The following NEURL1B variants were observed in gnomAD, a reference collection of about 807,000 sequenced individuals.
The protein encoded by NEURL1B is E3 ubiquitin-protein ligase NEURL1B.
NEURL1B carries 13 observed loss-of-function variants against 37.4 expected under a neutral mutation model. That is an observed-to-expected ratio of 0.35 (90% confidence interval 0.23 to 0.55). NEURL1B has a LOEUF of 0.55. NEURL1B is among the 20% of genes least tolerant of loss of function. NEURL1B has a pLI of 0.89. For missense variants in NEURL1B, 790 were observed against 879.2 expected (o/e 0.90, Z 1.28); for synonymous variants, 432 against 426.6 (o/e 1.01, Z -0.16).
intron 1 of NEURL1B, among the ~76,000 whole-genome samples, chr5:172,655,613 T>C (rs917076887): frequency 3.9e-5 from 6 of 152,174 alleles, no homozygotes; most frequent in African/African-American, 1.4e-4. Context: ...CCTCCAGAAT[T>C]TGATCACCAA....
At chr5:172,674,325 A>T (rs886595645) in intron 2 of NEURL1B, among the ~76,000 whole-genome samples, 2 of 151,984 alleles carry the variant, frequency 1.3e-5, no homozygotes, top group Non-Finnish European at 2.9e-5. Flanking sequence ...GCCTGGTGGA[A>T]CTTTGAGCCC....
At chr5:172,658,074 C>T (rs552317478) in intron 1 of NEURL1B, among the ~76,000 whole-genome samples, 31 of 152,252 alleles carry the variant, frequency 2.0e-4, no homozygotes, top group African/African-American at 7.2e-4. Context: ...AGAAGATTCA[C>T]CCTCCTTACC....
rs1420002104 is a variant in NEURL1B at position 172,689,543 on chromosome 5, CTG to C, written c.*2621_*2622del. ...GAGATGTTCACGTGTGAAAAAAAAA[CTG>C]TGCTACTTACAATCTATGAAAGCTG... On this transcript the variant is annotated 3_prime_UTR_variant, in exon 5 of 5. Transcript: ENST00000369800. 2 of 150,532 alleles carry C rather than the reference CTG, an allele frequency of 1.3e-5. No individual in the cohort carries two copies. The highest frequency in any genetic ancestry group is 2.5e-5 in the African/African-American group (1 of 40,706). 9.3% of individuals were successfully genotyped at this position (150,532 alleles called of 1,614,324 possible). A position where few individuals can be genotyped will look rare whatever the true frequency, so the allele number is the denominator to read the frequency against.
chr5:172,681,257 T>C (rs1023662796), intron 2 of NEURL1B, among the ~76,000 whole-genome samples: 2 of 152,166 alleles, frequency 1.3e-5, no homozygotes, highest in Non-Finnish European at 2.9e-5. Flanking sequence ...TACAAGTTTA[T>C]TGAAGGAAAA....
At chr5:172,648,605 C>CACT (rs1757603130) in intron 1 of NEURL1B, among the ~76,000 whole-genome samples, 1 of 152,216 alleles carries the variant, frequency 6.6e-6, no homozygotes, top group East Asian at 1.9e-4. Flanking sequence ...AGGGAAGGAA[C>CACT]GTCAGTGTGG....
chr5:172,656,817 C>T, intron 1 of NEURL1B: 1 of 643,792 alleles, frequency 1.6e-6, no homozygotes, highest in Non-Finnish European at 2.8e-6. Flanking sequence ...AAACTCCTAA[C>T]AACCGCCATG....
rs1758434193 is a variant in NEURL1B at position 172,684,190 on chromosome 5, C to G, written c.1297+52C>G. 6.2e-6 allele frequency: 7 copies of G among 1,134,048 alleles called. No individual in the cohort carries two copies. The South Asian group carries it at 1.2e-4, about 20-fold the overall frequency. The allele number at this position is 1,134,048 out of a possible 1,614,324, so 70.2% of individuals were successfully genotyped here. On this transcript the variant is annotated intron_variant, in intron 3 of 4. Coordinates refer to ENST00000369800, the MANE Select transcript of NEURL1B (RefSeq NM_001142651.3). ...GGCCCCGCCCCTCCCCCGTCCCGTGCCGTCTCACCCCGCTGCGCTCTTCCC... is the reference window on the plus strand; with the variant it reads ...GGCCCCGCCCCTCCCCCGTCCCGTGGCGTCTCACCCCGCTGCGCTCTTCCC...
chr5:172,655,946 C>T (rs982671997), intron 1 of NEURL1B, among the ~76,000 whole-genome samples: 2 of 152,144 alleles, frequency 1.3e-5, no homozygotes, highest in African/African-American at 4.8e-5. Context: ...TCAAATATAA[C>T]ATTTTCTTTT....
At chr5:172,642,027 T>A (rs1488513077) in intron 1 of NEURL1B, among the ~76,000 whole-genome samples, 1 of 152,190 alleles carries the variant, frequency 6.6e-6, no homozygotes, top group Non-Finnish European at 1.5e-5. Context: ...GCAGATCGCA[T>A]CGCCCCCTAG....
rs1758205299 is a variant in NEURL1B, at chr5:172,675,006, A to G, written c.577+4676A>G. On this transcript the variant is annotated intron_variant, in intron 2 of 4. Transcript: ENST00000369800. The surrounding 1 kb of genome is among the most constrained non-coding windows in gnomAD (Gnocchi z 4.7). ...TGCCTCAGCCTCCCAAGTAGCTGGG[A>G]TGACAGGCGCCTGCCACCACGCCCG... Among the ~76,000 whole-genome samples, 1 of 152,050 alleles carries G rather than the reference A, an allele frequency of 6.6e-6. No individual in the cohort carries two copies. Among genetic ancestry groups the G allele is most frequent in the South Asian group, 2.1e-4 (1 of 4,818 alleles).
intron 1 of NEURL1B, among the ~76,000 whole-genome samples, chr5:172,653,932 C>G (rs1016701451): frequency 5.9e-5 from 9 of 152,236 alleles, no homozygotes; most frequent in African/African-American, 1.9e-4. Context: ...TTTAAACAAC[C>G]AGTTATTTTA....
Position 172,670,272 on chromosome 5 carries a change from C to T in NEURL1B, c.519C>T (p.Gly173=), listed in dbSNP as rs1259653711. The change falls in exon 2 of 5, where the codon GGC becomes GGT. Residue 173 remains glycine (G), a synonymous_variant. Transcript: ENST00000369800. ...TCTTCCACTGCGGCGTGGCCGTGGG[C>T]GGCCCGCTCTGGGCGCTCATTGATG... ...PVLFHCGVAV[G]GPLWALIDVY... is the part of the protein sequence containing the mutation. 1.4e-5 allele frequency: 20 copies of T among 1,386,396 alleles called. No individual in the cohort carries two copies. The highest frequency in any genetic ancestry group is 1.8e-5 in the Non-Finnish European group (19 of 1,074,806). The allele number at this position is 1,386,396 out of a possible 1,614,324, so 85.9% of individuals were successfully genotyped here.
intron 1 of NEURL1B, among the ~76,000 whole-genome samples, chr5:172,666,591 C>T (rs568521617): frequency 1.3e-5 from 2 of 152,178 alleles, no homozygotes; most frequent in South Asian, 2.1e-4. Context: ...CACTAGCTGG[C>T]GGAAAGCGAG....
intron 1 of NEURL1B, among the ~76,000 whole-genome samples, chr5:172,642,081 G>A (rs926698034): frequency 1.3e-5 from 2 of 152,350 alleles, no homozygotes; most frequent in African/African-American, 4.8e-5. Flanking sequence ...GAGGGGATCC[G>A]GAGCAGGTTA....
chr5:172,687,770 C>A lies in NEURL1B; in HGVS notation c.*845C>A, dbSNP rs1758541285. The A allele has an allele frequency of 6.6e-6, 1 of 152,002 alleles. No homozygotes were observed. Among genetic ancestry groups the A allele is most frequent in the African/African-American group, 2.4e-5 (1 of 41,354 alleles). 9.4% of individuals were successfully genotyped at this position (152,002 alleles called of 1,614,324 possible). A position where few individuals can be genotyped will look rare whatever the true frequency, so the allele number is the denominator to read the frequency against. On this transcript the variant is annotated 3_prime_UTR_variant, in exon 5 of 5. Coordinates refer to ENST00000369800, the MANE Select transcript of NEURL1B (RefSeq NM_001142651.3). ...TCCCTATCTCCAAGGAGAAGACCAG[C>A]AGTAAGTTCTGTTTTTCTGTGGGAG... is the stretch of plus-strand genomic sequence containing the variant.
rs1758402107 is a variant in NEURL1B, at chr5:172,683,366, C to A, written c.578-53C>A. On this transcript the variant is annotated intron_variant, in intron 2 of 4. Coordinates refer to ENST00000369800, the MANE Select transcript of NEURL1B (RefSeq NM_001142651.3). The surrounding 1 kb of genome is among the most constrained non-coding windows in gnomAD (Gnocchi z 5.6). ...GCAGCGGGCGAGGAGGGGCTCGCGA[C>A]CAGCCTGACGCGCGGCCTCTCCCCC... 7.9e-7 allele frequency: 1 copy of A among 1,268,968 alleles called. No homozygotes were observed. The allele number at this position is 1,268,968 out of a possible 1,614,324, so 78.6% of individuals were successfully genotyped here. A position where few individuals can be genotyped will look rare whatever the true frequency, so the allele number is the denominator to read the frequency against.
Position 172,687,070 on chromosome 5 carries a change from C to A in NEURL1B, c.*145C>A. ...AAGGTGTGACAGTCGTGGAGCGAGGCCCACAGGGCCTCAGCCCAGGCAGGG... is the reference window on the plus strand; with the variant it reads ...AAGGTGTGACAGTCGTGGAGCGAGGACCACAGGGCCTCAGCCCAGGCAGGG... On this transcript the variant is annotated 3_prime_UTR_variant, in exon 5 of 5. Coordinates refer to ENST00000369800, the MANE Select transcript of NEURL1B (RefSeq NM_001142651.3). The A allele has an allele frequency of 1.0e-6, 1 of 975,880 alleles. No individual in the cohort carries two copies. Among genetic ancestry groups the A allele is most frequent in the Non-Finnish European group, 1.5e-6 (1 of 680,774 alleles). The allele number at this position is 975,880 out of a possible 1,614,324, so 60.5% of individuals were successfully genotyped here.
rs1757908834 is a variant in NEURL1B at position 172,661,882 on chromosome 5, C to A, written c.32-7903C>A. 6.6e-6 allele frequency among the ~76,000 whole-genome samples: 1 copy of A among 152,218 alleles called. No homozygotes were observed. The highest frequency in any genetic ancestry group is 1.5e-5 in the Non-Finnish European group (1 of 68,048). ...AGTGGGGACCATTCAGGGGATGGCACAAGGCGCATTTAGGACGCCTGCTGG... is the reference window on the plus strand; with the variant it reads ...AGTGGGGACCATTCAGGGGATGGCAAAAGGCGCATTTAGGACGCCTGCTGG... On this transcript the variant is annotated intron_variant, in intron 1 of 4. Transcript: ENST00000369800. This position sits in a 1 kb window ranked among gnomAD's most constrained non-coding sequence, Gnocchi z 4.0.
Position 172,683,446 on chromosome 5 carries a change from C to G in NEURL1B, c.605C>G (p.Pro202Arg). Residue 202 changes from proline to arginine, a missense_variant, in exon 3 of 5, where the codon CCC becomes CGC. This residue lies in a region of NEURL1B where 460 missense variants were observed against 407.4 expected (regional missense o/e 1.13). Coordinates refer to ENST00000369800, the MANE Select transcript of NEURL1B (RefSeq NM_001142651.3). This position sits in a 1 kb window ranked among gnomAD's most constrained non-coding sequence, Gnocchi z 5.6. ...LESAFADTLT[P>R]ARLSQARFSA... Reference sequence around the variant, plus strand: ...AGCGCCTTCGCTGACACGCTGACGCCCGCGCGCCTCAGCCAGGCCCGCTTC... The same window carrying G: ...AGCGCCTTCGCTGACACGCTGACGCGCGCGCGCCTCAGCCAGGCCCGCTTC... 1 of 1,456,694 alleles carries G rather than the reference C, an allele frequency of 6.9e-7. No homozygotes were observed. Among genetic ancestry groups the G allele is most frequent in the Non-Finnish European group, 9.0e-7 (1 of 1,106,862 alleles). 90.2% of individuals were successfully genotyped at this position (1,456,694 alleles called of 1,614,324 possible).
Sources: allele counts gnomAD v4.1 joint callset (sites outside exome capture counted in the v4.1 genomes callset), GRCh38; gene constraint gnomAD v4.1.1; regional missense constraint gnomAD v4.1.1; non-coding constraint Gnocchi (gnomAD v3.1); transcripts MANE v1.5; gene names NCBI Gene and HGNC (gene_info 2026-07-23, HGNC 2026-07-21).